Variants in EIF3D observed in about 807,000 individuals in gnomAD.
EIF3D encodes the protein eukaryotic translation initiation factor 3 subunit D, also known as eIF3 p66.
EIF3D carries 10 observed loss-of-function variants against 75.4 expected under a neutral mutation model. The ratio of observed to expected loss-of-function variants is 0.13; its 90% CI spans 0.08 to 0.22. The LOEUF (loss-of-function observed/expected upper bound fraction) is 0.22. Among genes scored for constraint, EIF3D ranks in the 10% least tolerant of loss-of-function variants. EIF3D has a pLI of 1.00. For missense variants in EIF3D, 394 were observed against 708.0 expected, an observed-to-expected ratio of 0.56 and a Z score of 5.03; for synonymous variants, 246 against 248.3, an observed-to-expected ratio of 0.99 and a Z score of 0.09.
chr22:36,511,018 T>A lies in EIF3D; in HGVS notation c.1634-18A>T. ...TTCTTCCTCTGAAAGACACAAAAAATGTAAGAGAAATGAGCCAGGTTGTGT... is the reference window on the plus strand; with the variant it reads ...TTCTTCCTCTGAAAGACACAAAAAAAGTAAGAGAAATGAGCCAGGTTGTGT... On this transcript the variant is annotated intron_variant, in intron 14 of 14. Coordinates refer to ENST00000216190, the MANE Select transcript of EIF3D (RefSeq NM_003753.4). The A allele has an allele frequency of 6.2e-7, 1 of 1,607,380 alleles. No homozygotes were observed. Among genetic ancestry groups the A allele is most frequent in the South Asian group, 1.1e-5 (1 of 90,232 alleles).
chr22:36,519,435 G>A lies in EIF3D; in HGVS notation c.681C>T (p.Val227=). 3.1e-6 allele frequency: 5 copies of A among 1,614,224 alleles called. No individual in the cohort carries two copies. The highest frequency in any genetic ancestry group is 2.2e-5 in the South Asian group (2 of 91,088). The part of the protein sequence containing the change: ...LRSIKRIFHT[V]TTTDDPVIRK... Reference sequence around the variant, plus strand: ...GGATGACAGGGTCGTCTGTGGTGGTGACAGTGTGGAAGATGCGCTTGATGC... The same window carrying A: ...GGATGACAGGGTCGTCTGTGGTGGTAACAGTGTGGAAGATGCGCTTGATGC... The change falls in exon 8 of 15, where the codon GTC becomes GTT. Residue 227 remains valine, a synonymous_variant. Transcript: ENST00000216190.
At chr22:36,528,907 G>C (rs886644285) in intron 1 of EIF3D, 169 bp downstream of exon 1, 2 of 183,118 alleles carry the variant, frequency 1.1e-5, no homozygotes, top group Non-Finnish European at 1.1e-5. Flanking sequence ...GCGTTCAGTA[G>C]CGTGCGGGAC....
intron 5 of EIF3D, 148 bp from the exon 6 acceptor site, chr22:36,523,429 C>A (rs1048778274): frequency 7.5e-6 from 5 of 668,998 alleles, no homozygotes; most frequent in Non-Finnish European, 1.3e-5. Context: ...AAGGAAGAGA[C>A]CCAGACGGTG....
Position 36,518,713 on chromosome 22 carries a change from C to G in EIF3D, c.859+50G>C, listed in dbSNP as rs1342010007. On this transcript the variant is annotated intron_variant, in intron 9 of 14. Transcript: ENST00000216190. ...CTAGTACCAGAGACTTGTTCTGTAC[C>G]AACAAAAATACTCAATGCCTTTGAG... 5 of 1,606,156 alleles carry G rather than the reference C, an allele frequency of 3.1e-6. No homozygotes were observed. In the Admixed American group the frequency reaches 6.7e-5, roughly 21 times the overall value.
At chr22:36,511,413 A>G in intron 14 of EIF3D, 90 bp downstream of exon 14, 3 of 1,550,704 alleles carry the variant, frequency 1.9e-6, no homozygotes, top group South Asian at 1.2e-5. Flanking sequence ...TCGAAGTTTT[A>G]TCAAGGTTAA....
At position 36,512,304 on chromosome 22, in the gene EIF3D, G is replaced by A. The variant is rs1265442199; in HGVS notation, c.1349+156C>T. ...CTCCATTCAGCATGCCTGCTGTTTGGCATTTGTCTCCTAACTGACCCCTCC... is the reference window on the plus strand; with the variant it reads ...CTCCATTCAGCATGCCTGCTGTTTGACATTTGTCTCCTAACTGACCCCTCC... On this transcript the variant is annotated intron_variant, in intron 13 of 14. Transcript: ENST00000216190. Among the ~76,000 whole-genome samples the A allele has an allele frequency of 2.0e-5, 3 of 152,190 alleles. No individual in the cohort carries two copies. The East Asian group carries it at 5.8e-4, about 29-fold the overall frequency.
intron 1 of EIF3D, among the ~76,000 whole-genome samples, chr22:36,527,675 C>G (rs1428845739): frequency 6.6e-6 from 1 of 152,162 alleles, no homozygotes; most frequent in Non-Finnish European, 1.5e-5. Context: ...CCAGTCTCTA[C>G]TAAAAATACA....
chr22:36,512,833 A>G (rs1013845247), intron 12 of EIF3D: 1 of 508,914 alleles, frequency 2.0e-6, no homozygotes, highest in Non-Finnish European at 3.5e-6. Context: ...TCGCCTAGAC[A>G]GGGAATGATG....
Position 36,511,890 on chromosome 22 carries a change from T to TTTTC in EIF3D, c.1350-108_1350-105dup, listed in dbSNP as rs1934343586. ...TGGTGATACCTGGTCCACTGCTATT[T>TTTTC]TTTCTTTTTTTTTTTTTTGAGACGG... On this transcript the variant is annotated intron_variant, in intron 13 of 14. Transcript: ENST00000216190. 3 of 1,405,566 alleles carry TTTTC rather than the reference T, an allele frequency of 2.1e-6. No individual in the cohort carries two copies. In the African/African-American group the frequency reaches 4.9e-5, roughly 23 times the overall value. 87.1% of individuals were successfully genotyped at this position (1,405,566 alleles called of 1,614,324 possible).
intron 7 of EIF3D, 126 bp from the exon 8 acceptor site, chr22:36,519,663 G>T: frequency 7.5e-7 from 1 of 1,338,750 alleles, no homozygotes. Flanking sequence ...TCTGGCCAGA[G>T]CAGGAGAGAC....
intron 1 of EIF3D, among the ~76,000 whole-genome samples, chr22:36,527,610 G>A (rs975159568): frequency 2.0e-5 from 3 of 152,218 alleles, no homozygotes; most frequent in African/African-American, 7.2e-5. Flanking sequence ...AGAGGCCGAG[G>A]TGGGCGGATC....
At position 36,526,267 on chromosome 22, in the gene EIF3D, A is replaced by G. The variant is rs1603499102; in HGVS notation, c.-10-136T>C. 7 of 877,458 alleles carry G rather than the reference A, an allele frequency of 8.0e-6. No homozygotes were observed. The East Asian group carries it at 1.5e-4, about 19-fold the overall frequency. 54.4% of individuals were successfully genotyped at this position (877,458 alleles called of 1,614,324 possible). ...CGCAAAATGGAACCCTCAACTGTTG[A>G]GCGACTACTACTGTTTTTGTTAATT... On this transcript the variant is annotated intron_variant, in intron 1 of 14. Transcript: ENST00000216190.
At chr22:36,523,743 G>T in intron 5 of EIF3D, 152 bp downstream of exon 5, 1 of 726,242 alleles carries the variant, frequency 1.4e-6, no homozygotes, top group South Asian at 1.6e-5. Flanking sequence ...GCCTGAGAAC[G>T]ACAAGCTAAA....
chr22:36,511,809 T>C (rs765441910), intron 13 of EIF3D, 23 bp from the exon 14 acceptor site: 2 of 1,607,086 alleles, frequency 1.2e-6, no homozygotes, highest in Non-Finnish European at 1.7e-6. Flanking sequence ...GGGATATCAG[T>C]GGTCAGAGCA....
At chr22:36,514,500 C>T (rs1029522702) in intron 12 of EIF3D, among the ~76,000 whole-genome samples, 2 of 152,178 alleles carry the variant, frequency 1.3e-5, no homozygotes, top group Non-Finnish European at 2.9e-5. Flanking sequence ...CTCACCCAAC[C>T]GTATGAGTCT....
intron 1 of EIF3D, among the ~76,000 whole-genome samples, chr22:36,528,564 C>T (rs547471148): frequency 1.4e-5 from 2 of 141,466 alleles, no homozygotes; most frequent in African/African-American, 5.8e-5. Context: ...TGGCAGGCCA[C>T]TACAGATCAT....
At chr22:36,523,446 G>A (rs1021318863) in intron 5 of EIF3D, among the ~76,000 whole-genome samples, 165 bp from the exon 6 acceptor site, 27 of 152,180 alleles carry the variant, frequency 1.8e-4, no homozygotes, top group Admixed American at 1.8e-3. Flanking sequence ...GGTGCATACT[G>A]GAGGTGTTAG....
At chr22:36,527,426 C>T (rs143705529) in intron 1 of EIF3D, among the ~76,000 whole-genome samples, 4 of 152,312 alleles carry the variant, frequency 2.6e-5, no homozygotes, top group East Asian at 3.9e-4. Flanking sequence ...ATTAAAAAAC[C>T]GGCGCTGTAT....
intron 12 of EIF3D, chr22:36,516,234 C>T (rs1934424373): frequency 4.8e-6 from 2 of 420,114 alleles, no homozygotes; most frequent in Non-Finnish European, 8.5e-6. Flanking sequence ...TAACTGGTTC[C>T]TGCGTAAAAA....
Sources: gnomAD v4.1 joint callset for allele counts (sites outside exome capture counted in the v4.1 genomes callset) on GRCh38, gnomAD v4.1.1 for gene constraint, MANE v1.5 for transcripts, NCBI Gene and HGNC (gene_info 2026-07-23, HGNC 2026-07-21) for gene names.